The following GPR139 variants were observed in gnomAD, a reference collection of about 807,000 sequenced individuals.
GPR139 encodes G protein-coupled receptor 139, also known as probable G protein-coupled receptor 139.
Under a neutral mutation model 25.8 loss-of-function variants are expected in GPR139, and 12 were observed. The observed-to-expected ratio is 0.47, with a 90% CI of 0.30 to 0.75. GPR139 has a LOEUF of 0.75. Ranked by LOEUF, GPR139 falls within the 30% of genes least tolerant of loss-of-function variation. The pLI is 0.07. For synonymous variants in GPR139, 184 were observed against 179.9 expected (o/e 1.02, Z -0.18); for missense variants, 380 against 450.2 (o/e 0.84, Z 1.41).
Position 20,031,462 on chromosome 16 carries a change from A to G in GPR139, c.*273T>C, listed in dbSNP as rs1485659846. On this transcript the variant is annotated 3_prime_UTR_variant, in exon 2 of 2. Transcript: ENST00000570682. ...ACTTTGTGTCCTAACTGGTCACAGG[A>G]TGATGACACAAGCTCCAATGGCATC... 2.2e-6 allele frequency: 1 copy of G among 463,582 alleles called. No individual in the cohort carries two copies. Among genetic ancestry groups the G allele is most frequent in the Non-Finnish European group, 3.9e-6 (1 of 256,114 alleles). 28.7% of individuals were successfully genotyped at this position (463,582 alleles called of 1,614,324 possible).
At chr16:20,055,004 A>G (rs1452546172) in intron 1 of GPR139, among the ~76,000 whole-genome samples, 3 of 152,198 alleles carry the variant, frequency 2.0e-5, no homozygotes, top group Non-Finnish European at 4.4e-5. Context: ...CTGGGATTAC[A>G]GGTGTGAACC....
At chr16:20,037,882 CT>C (rs2057315653) in intron 1 of GPR139, among the ~76,000 whole-genome samples, 1 of 152,134 alleles carries the variant, frequency 6.6e-6, no homozygotes, top group Non-Finnish European at 1.5e-5. Flanking sequence ...TTTGATGAGA[CT>C]GAGTTTCGCT....
At chr16:20,061,842 T>A (rs2057415470) in intron 1 of GPR139, among the ~76,000 whole-genome samples, 1 of 152,214 alleles carries the variant, frequency 6.6e-6, no homozygotes, top group Admixed American at 6.5e-5. Context: ...AATGGCCAAA[T>A]TGCAGCAATG....
intron 1 of GPR139, among the ~76,000 whole-genome samples, chr16:20,044,874 G>T (rs1204255056): frequency 6.6e-6 from 1 of 152,032 alleles, no homozygotes; most frequent in Admixed American, 6.6e-5. Flanking sequence ...GGTATCAAAT[G>T]CCTCTTCCAG....
chr16:20,060,984 A>G (rs2057410848), intron 1 of GPR139, among the ~76,000 whole-genome samples: 1 of 152,110 alleles, frequency 6.6e-6, no homozygotes, highest in South Asian at 2.1e-4. Context: ...TCACAGCACC[A>G]AGTAGCTCTC....
At chr16:20,066,204 C>T (rs1453157096) in intron 1 of GPR139, among the ~76,000 whole-genome samples, 1 of 152,144 alleles carries the variant, frequency 6.6e-6, no homozygotes, top group Admixed American at 6.6e-5. Flanking sequence ...TTCATGGTGC[C>T]CTCTGCAGGG....
Position 20,031,001 on chromosome 16 carries a change from CT to C in GPR139, c.*733del, listed in dbSNP as rs148643708. Among the ~76,000 whole-genome samples, 2,696 of 152,216 alleles carry C rather than the reference CT, an allele frequency of 0.018. 76 individuals are homozygous for C. Among genetic ancestry groups the C allele is most frequent in the African/African-American group, 0.06 (2,498 of 41,518 alleles). ...GGGCTCGAGAATTCCTCCTTTCCCC[CT>C]GCGCACCAGGCAGGGTCTTTGTTTT... On this transcript the variant is annotated 3_prime_UTR_variant, in exon 2 of 2. Transcript: ENST00000570682.
At position 20,031,026 on chromosome 16, in the gene GPR139, T is replaced by C. The variant is rs1057119271; in HGVS notation, c.*709A>G. Among the ~76,000 whole-genome samples, 11 of 152,034 alleles carry C rather than the reference T, an allele frequency of 7.2e-5. No individual in the cohort carries two copies. Among genetic ancestry groups the C allele is most frequent in the African/African-American group, 1.5e-4 (6 of 41,378 alleles). The stretch of plus-strand genomic sequence containing the variant: ...CTGCGCACCAGGCAGGGTCTTTGTT[T>C]TGGAGGAGATAGAGAAAATCTATAC... On this transcript the variant is annotated 3_prime_UTR_variant, in exon 2 of 2. Transcript: ENST00000570682.
chr16:20,058,177 C>T (rs951695707), intron 1 of GPR139, among the ~76,000 whole-genome samples: 16 of 152,292 alleles, frequency 1.1e-4, no homozygotes, highest in Middle Eastern at 3.4e-3. Context: ...CCTTATTTTA[C>T]GGATATGTAG....
At chr16:20,039,273 C>T (rs368200909) in intron 1 of GPR139, among the ~76,000 whole-genome samples, 4 of 152,178 alleles carry the variant, frequency 2.6e-5, no homozygotes, top group Admixed American at 2.0e-4. Flanking sequence ...ACCACTGAAT[C>T]GTCTGCTGGC....
intron 1 of GPR139, among the ~76,000 whole-genome samples, chr16:20,047,821 A>G (rs188572932): frequency 1.5e-3 from 224 of 152,328 alleles, no homozygotes; most frequent in African/African-American, 5.0e-3. Context: ...GACCTTGAGC[A>G]ATTTACTTAA....
intron 1 of GPR139, among the ~76,000 whole-genome samples, chr16:20,037,477 A>C (rs1039865342): frequency 6.6e-6 from 1 of 151,094 alleles, no homozygotes; most frequent in Non-Finnish European, 1.5e-5. Context: ...AAAGAGAGAG[A>C]ATAAAGAAGG....
intron 1 of GPR139, among the ~76,000 whole-genome samples, chr16:20,068,601 C>A (rs1326508487): frequency 6.6e-6 from 1 of 152,032 alleles, no homozygotes; most frequent in Non-Finnish European, 1.5e-5. Context: ...AATTTTATTT[C>A]TTTTTCTTGC....
Position 20,056,575 on chromosome 16 carries a change from G to A in GPR139, c.127+16915C>T, listed in dbSNP as rs954675903. ...CTTGGGAGAGTCTCTTAACTCTTCT[G>A]AGCTTTCAGTTTCATAATGGATGAG... On this transcript the variant is annotated intron_variant, in intron 1 of 1. Coordinates refer to ENST00000570682, the MANE Select transcript of GPR139 (RefSeq NM_001002911.4). 2.0e-5 allele frequency among the ~76,000 whole-genome samples: 3 copies of A among 152,282 alleles called. No homozygotes were observed. In the South Asian group the frequency reaches 6.2e-4, roughly 32 times the overall value.
rs761075198 is a variant in GPR139 at position 20,032,534 on chromosome 16, T to A, written c.263A>T (p.Glu88Val). 3 of 1,614,126 alleles carry A rather than the reference T, an allele frequency of 1.9e-6. No individual in the cohort carries two copies. The highest frequency in any genetic ancestry group is 1.3e-5 in the African/African-American group (1 of 75,038). The change falls in exon 2 of 2, where the codon GAA becomes GTA. Residue 88 changes from glutamate (E) to valine (V), a missense_variant. Coordinates refer to ENST00000570682, the MANE Select transcript of GPR139 (RefSeq NM_001002911.4). ...CATCTGCATGTTCAAGATGAAATCT[T>A]CCAACAGGAAGTCCACAAACACTAT... ...FFIVFVDFLLEDFILNMQMPQ... is the reference protein window; with the variant it reads ...FFIVFVDFLLVDFILNMQMPQ...
chr16:20,071,825 T>A (rs1402736281), intron 1 of GPR139, among the ~76,000 whole-genome samples: 1 of 152,022 alleles, frequency 6.6e-6, no homozygotes, highest in East Asian at 1.9e-4. Context: ...CTTGTCTTTG[T>A]CTCTGTCCCT....
At chr16:20,045,356 T>C (rs55963159) in intron 1 of GPR139, among the ~76,000 whole-genome samples, 24,793 of 152,042 alleles carry the variant, frequency 0.16, 2,857 homozygotes, top group African/African-American at 0.33. Flanking sequence ...ATTAATATCC[T>C]TATTTTAAAG....
At chr16:20,041,145 GGAGAC>G (rs1567235889) in intron 1 of GPR139, among the ~76,000 whole-genome samples, 110 of 590 alleles carry the variant, frequency 0.19, 21 homozygotes, top group Middle Eastern at 0.5. Flanking sequence ...GGAGAGGAGA[GGAGAC>G]GAGAGGGGAG....
intron 1 of GPR139, among the ~76,000 whole-genome samples, chr16:20,050,554 C>A (rs564684256): frequency 6.6e-6 from 1 of 152,194 alleles, no homozygotes; most frequent in Non-Finnish European, 1.5e-5. Context: ...CTATGGCTTC[C>A]GTCCAGTTCA....
Sources: gnomAD v4.1 joint callset for allele counts (sites outside exome capture counted in the v4.1 genomes callset) on GRCh38, gnomAD v4.1.1 for gene constraint, MANE v1.5 for transcripts, NCBI Gene and HGNC (gene_info 2026-07-23, HGNC 2026-07-21) for gene names.